Variants in SCN2A observed in about 807,000 individuals in gnomAD.
SCN2A encodes sodium channel protein type 2 subunit alpha.
In SCN2A, 20 loss-of-function variants were observed where a neutral mutation model predicts 188.7. The ratio of observed to expected loss-of-function variants is 0.11; its 90% CI spans 0.07 to 0.15. SCN2A has a LOEUF of 0.15. Among genes scored for constraint, SCN2A ranks in the 10% least tolerant of loss-of-function variants. The pLI, the probability that SCN2A is intolerant of heterozygous loss-of-function variation, is 1.00. For synonymous variants in SCN2A, 804 were observed against 833.1 expected (o/e 0.97, Z 0.60); for missense variants, 1,278 against 2,445.0 (o/e 0.52, Z 10.07).
rs145662546 is a variant in SCN2A at position 165,365,196 on chromosome 2, C to T, written c.3453C>T (p.Pro1151=). The T allele has an allele frequency of 8.4e-4, 1,357 of 1,613,796 alleles. 9 individuals carry two copies. The Middle Eastern group carries it at 0.011, about 13-fold the overall frequency. The part of the protein sequence containing the change: ...SEGSTVDIGA[P]AEGEQPEVEP... The stretch of plus-strand genomic sequence containing the variant: ...GCAGCACGGTTGATATTGGAGCTCC[C>T]GCCGAGGGAGAACAGCCTGAGGTTG... The change falls in exon 18 of 27, where the codon CCC becomes CCT. Residue 1151 remains proline, a synonymous_variant. Transcript: ENST00000375437.
chr2:165,334,369 G>A (rs1698864490), intron 14 of SCN2A, among the ~76,000 whole-genome samples: 2 of 151,540 alleles, frequency 1.3e-5, no homozygotes, highest in South Asian at 4.1e-4. Context: ...ATGAACATAG[G>A]CACAACAATC....
intron 1 of SCN2A, among the ~76,000 whole-genome samples, chr2:165,265,796 T>G (rs1404575078): frequency 6.6e-6 from 1 of 151,306 alleles, no homozygotes; most frequent in Non-Finnish European, 1.5e-5. Flanking sequence ...TTATTATACT[T>G]TTTTTCCTTC....
At position 165,372,825 on chromosome 2, in the gene SCN2A, A is replaced by G. The variant is rs1701110967; in HGVS notation, c.3850-400A>G. 4 of 199,644 alleles carry G rather than the reference A, an allele frequency of 2.0e-5. No individual in the cohort carries two copies. In the South Asian group the frequency reaches 3.6e-4, roughly 18 times the overall value. The allele number at this position is 199,644 out of a possible 1,614,324, so 12.4% of individuals were successfully genotyped here. ...TGTATCAAATGTTACTTTCCATTTC[A>G]GATCTGCTCAATATTATTAGAAATG... On this transcript the variant is annotated intron_variant, in intron 20 of 26. Coordinates refer to ENST00000375437, the MANE Select transcript of SCN2A (RefSeq NM_001040142.2).
At chr2:165,249,940 C>A (rs1694013705) in intron 1 of SCN2A, among the ~76,000 whole-genome samples, 1 of 151,912 alleles carries the variant, frequency 6.6e-6, no homozygotes, top group Non-Finnish European at 1.5e-5. Context: ...TCTTAATAAT[C>A]TCTGCTTCAG....
At chr2:165,383,930 A>G (rs563157923) in intron 25 of SCN2A, among the ~76,000 whole-genome samples, 20 of 152,200 alleles carry the variant, frequency 1.3e-4, no homozygotes, top group African/African-American at 4.8e-4. Context: ...AAGGGAGAGA[A>G]ATGATGAATA....
At chr2:165,323,106 G>T (rs1424195019) in intron 11 of SCN2A, 50 bp from the exon 12 acceptor site, 1 of 1,531,264 alleles carries the variant, frequency 6.5e-7, no homozygotes, top group South Asian at 1.1e-5. Flanking sequence ...CAGAATGCCA[G>T]CTCTTAACTC....
chr2:165,327,980 T>G (rs1698450197), intron 13 of SCN2A: 1 of 152,130 alleles, frequency 6.6e-6, no homozygotes, highest in Non-Finnish European at 1.5e-5. Context: ...CAGGTATGTG[T>G]GTGAGTGTGA....
chr2:165,388,814 G>A lies in SCN2A; in HGVS notation c.5008G>A (p.Val1670Ile). 6.2e-7 allele frequency: 1 copy of A among 1,614,014 alleles called. No individual in the cohort carries two copies. Among genetic ancestry groups the A allele is most frequent in the Non-Finnish European group, 8.5e-7 (1 of 1,179,988 alleles). ...TAACATCGGCCTCCTTCTTTTCCTG[G>A]TCATGTTCATCTACGCCATCTTTGG... ...LFNIGLLLFLVMFIYAIFGMS... is the reference protein window; with the variant it reads ...LFNIGLLLFLIMFIYAIFGMS... The change falls in exon 27 of 27, where the codon GTC becomes ATC. Residue 1670 changes from valine to isoleucine, a missense_variant. Coordinates refer to ENST00000375437, the MANE Select transcript of SCN2A (RefSeq NM_001040142.2).
chr2:165,347,808 AG>A (rs1302833274), intron 16 of SCN2A, among the ~76,000 whole-genome samples: 1 of 152,172 alleles, frequency 6.6e-6, no homozygotes, highest in Non-Finnish European at 1.5e-5. Flanking sequence ...TACAATAGGA[AG>A]GTTGATCAGG....
Position 165,315,344 on chromosome 2 carries a change from AAC to A in SCN2A, c.1384-123_1384-122del, listed in dbSNP as rs980542254. On this transcript the variant is annotated intron_variant, in intron 10 of 26. Transcript: ENST00000375437. ...CTAATAACAATGTACTGTTTTCTAA[AAC>A]ACAGAATAAAATGGAGAATTGTTTT... 32 of 1,459,616 alleles carry A rather than the reference AAC, an allele frequency of 2.2e-5. No individual in the cohort carries two copies. The Admixed American group carries it at 6.4e-4, about 29-fold the overall frequency. The allele number at this position is 1,459,616 out of a possible 1,614,324, so 90.4% of individuals were successfully genotyped here. A position where few individuals can be genotyped will look rare whatever the true frequency, so the allele number is the denominator to read the frequency against.
chr2:165,333,369 TA>T (rs1316749057), intron 14 of SCN2A, among the ~76,000 whole-genome samples: 1 of 151,932 alleles, frequency 6.6e-6, no homozygotes, highest in Non-Finnish European at 1.5e-5. Context: ...CAAATGCCTA[TA>T]GGATATTCCC....
At chr2:165,270,909 A>G (rs1695076778) in intron 1 of SCN2A, 1 of 152,116 alleles carries the variant, frequency 6.6e-6, no homozygotes, top group Non-Finnish European at 1.5e-5. Flanking sequence ...GCAGTCTTGC[A>G]TCTGTCACTT....
At chr2:165,339,601 A>G (rs1045076976) in intron 14 of SCN2A, among the ~76,000 whole-genome samples, 3 of 152,172 alleles carry the variant, frequency 2.0e-5, no homozygotes, top group South Asian at 4.1e-4. Context: ...AATTTAACAA[A>G]TCATTTCGAG....
chr2:165,349,355 A>T (rs1266226299), intron 16 of SCN2A, among the ~76,000 whole-genome samples: 1 of 152,210 alleles, frequency 6.6e-6, no homozygotes, highest in Admixed American at 6.5e-5. Flanking sequence ...AAAGCTACAG[A>T]TGATTTTTTA....
chr2:165,310,077 T>A (rs367981834), intron 6 of SCN2A, among the ~76,000 whole-genome samples: 5 of 152,142 alleles, frequency 3.3e-5, no homozygotes, highest in African/African-American at 1.2e-4. Flanking sequence ...CTAAAGAGTG[T>A]TTGGAAATAC....
chr2:165,345,735 A>G (rs1699548856), intron 16 of SCN2A, among the ~76,000 whole-genome samples: 3 of 152,082 alleles, frequency 2.0e-5, no homozygotes, highest in African/African-American at 2.4e-5. Context: ...TTATGTGTGA[A>G]TTTGACCCTG....
chr2:165,301,884 A>G (rs1696828395), intron 3 of SCN2A, among the ~76,000 whole-genome samples: 1 of 152,202 alleles, frequency 6.6e-6, no homozygotes, highest in Admixed American at 6.5e-5. Flanking sequence ...TGAAACCCAG[A>G]GATATTTAGT....
At chr2:165,303,106 A>G (rs928168209) in intron 3 of SCN2A, among the ~76,000 whole-genome samples, 6 of 152,142 alleles carry the variant, frequency 3.9e-5, no homozygotes, top group African/African-American at 1.4e-4. Context: ...GACTTGGATT[A>G]CACATTTAAA....
At chr2:165,365,412 A>G in intron 18 of SCN2A, 149 bp downstream of exon 18, 1 of 824,230 alleles carries the variant, frequency 1.2e-6, no homozygotes, top group South Asian at 2.4e-5. Context: ...AATCATCTAT[A>G]CCTATCCAAC....
Sources: gnomAD v4.1 joint callset for allele counts (sites outside exome capture counted in the v4.1 genomes callset) on GRCh38, gnomAD v4.1.1 for gene constraint, MANE v1.5 for transcripts, NCBI Gene and HGNC (gene_info 2026-07-23, HGNC 2026-07-21) for gene names.